The following DELE1 variants were observed in gnomAD, a reference collection of about 807,000 sequenced individuals.
The protein encoded by DELE1 is death ligand signal enhancer.
A neutral mutation model predicts 59.3 loss-of-function variants in DELE1; 54 were observed. The observed-to-expected ratio is 0.91, with a 90% CI of 0.73 to 1.14. The LOEUF (loss-of-function observed/expected upper bound fraction) is 1.14, where lower values mean the gene tolerates loss of function less well. Among genes scored for constraint, DELE1 ranks in the 50% most tolerant of loss-of-function variants. DELE1 has a pLI of 0.00. For synonymous variants in DELE1, 264 were observed against 259.1 expected, an observed-to-expected ratio of 1.02 and a Z score of -0.18; for missense variants, 636 against 643.9, an observed-to-expected ratio of 0.99 and a Z score of 0.13.
At chr5:141,931,951 G>A (rs1299271482) in intron 7 of DELE1, among the ~76,000 whole-genome samples, 1 of 152,220 alleles carries the variant, frequency 6.6e-6, no homozygotes, top group East Asian at 1.9e-4. Context: ...ATCATGTTTT[G>A]CATTTGTATG....
At position 141,941,889 on chromosome 5, in the gene DELE1, T is replaced by TA; in HGVS notation, c.*3132dup. On this transcript the variant is annotated 3_prime_UTR_variant, in exon 12 of 12. Coordinates refer to ENST00000432126, the MANE Select transcript of DELE1 (RefSeq NM_014773.5). ...CCCAGCACATAGTAGGTACTTTAAG[T>TA]AATTTGAATGAATAATTTTAAATAA... 1.0e-6 allele frequency: 1 copy of TA among 985,388 alleles called. No individual in the cohort carries two copies. The highest frequency in any genetic ancestry group is 1.2e-6 in the Non-Finnish European group (1 of 829,918). The allele number at this position is 985,388 out of a possible 1,614,324, so 61.0% of individuals were successfully genotyped here.
chr5:141,928,198 C>A lies in DELE1; in HGVS notation c.312C>A (p.Phe104Leu), dbSNP rs901543119. 3 of 1,614,124 alleles carry A rather than the reference C, an allele frequency of 1.9e-6. No individual in the cohort carries two copies. The Admixed American group carries it at 5.0e-5, about 27-fold the overall frequency. The change falls in exon 4 of 12, where the codon TTC becomes TTA. Residue 104 changes from phenylalanine to leucine, a missense_variant. Physicochemically the swap from Phe to Leu is conservative, Grantham distance 22. Coordinates refer to ENST00000432126, the MANE Select transcript of DELE1 (RefSeq NM_014773.5). ...TGCAGCTGGCAAGGCAGATCCACTTCCAGGCATCCCTGCCAGCAGGACCTC... is the reference window on the plus strand; with the variant it reads ...TGCAGCTGGCAAGGCAGATCCACTTACAGGCATCCCTGCCAGCAGGACCTC... ...LALQLARQIH[F>L]QASLPAGPQR...
At chr5:141,936,874 C>T (rs755948563) in intron 10 of DELE1, 194 of 985,304 alleles carry the variant, frequency 2.0e-4, no homozygotes, top group Non-Finnish European at 2.3e-4. Context: ...GAGCCCGACT[C>T]CCAGGTTTGC....
At chr5:141,934,214 A>G (rs1396638956) in intron 8 of DELE1, 26 bp from the exon 9 acceptor site, 1 of 1,575,522 alleles carries the variant, frequency 6.3e-7, no homozygotes. Flanking sequence ...TTGCCAGCCG[A>G]CTGGGTGTTT....
chr5:141,927,264 G>A (rs1178179508), intron 3 of DELE1, among the ~76,000 whole-genome samples: 2 of 152,146 alleles, frequency 1.3e-5, no homozygotes, highest in African/African-American at 4.8e-5. Context: ...GCAGTGGTGC[G>A]ATCCTGGCTC....
rs1325971464 is a variant in DELE1 at position 141,941,257 on chromosome 5, G to A, written c.*2498G>A. ...AGGCCAGATGCAGCCCTCCCTGAGT[G>A]GCTCTCCCTCCCACTCAGTCACTAC... On this transcript the variant is annotated 3_prime_UTR_variant, in exon 12 of 12. Coordinates refer to ENST00000432126, the MANE Select transcript of DELE1 (RefSeq NM_014773.5). 1 of 985,464 alleles carries A rather than the reference G, an allele frequency of 1.0e-6. No individual in the cohort carries two copies. Among genetic ancestry groups the A allele is most frequent in the Non-Finnish European group, 1.2e-6 (1 of 829,962 alleles). The allele number at this position is 985,464 out of a possible 1,614,324, so 61.0% of individuals were successfully genotyped here.
intron 2 of DELE1, 44 bp downstream of exon 2, chr5:141,924,739 C>T (rs779054299): frequency 4.5e-5 from 57 of 1,265,500 alleles, no homozygotes; most frequent in Non-Finnish European, 4.5e-6. Context: ...CCCTAGTCAC[C>T]CTTTTTTTTT....
chr5:141,928,945 T>A (rs1751651585), intron 4 of DELE1, among the ~76,000 whole-genome samples: 1 of 150,120 alleles, frequency 6.7e-6, no homozygotes, highest in Non-Finnish European at 1.5e-5. Context: ...CTTATTATGA[T>A]GATAATCATT....
At chr5:141,933,700 AT>A (rs1752121501) in intron 8 of DELE1, 1 of 178,962 alleles carries the variant, frequency 5.6e-6, no homozygotes, top group South Asian at 2.0e-4. Context: ...GAGGTTATAT[AT>A]AAGAATGTAT....
At position 141,934,423 on chromosome 5, in the gene DELE1, T is replaced by A. The variant is rs1413956866; in HGVS notation, c.1056+25T>A. The stretch of plus-strand genomic sequence containing the variant: ...GGTGAGTGCCATTGGCAGGGTCTGT[T>A]CAAGGTCTCTGAGGCCTGTGGAGCC... On this transcript the variant is annotated intron_variant, in intron 9 of 11. Transcript: ENST00000432126. 1.9e-6 allele frequency: 3 copies of A among 1,614,232 alleles called. No homozygotes were observed. In the Admixed American group the frequency reaches 5.0e-5, roughly 27 times the overall value.
chr5:141,931,910 G>A (rs1751943307), intron 7 of DELE1, among the ~76,000 whole-genome samples: 1 of 152,144 alleles, frequency 6.6e-6, no homozygotes, highest in Non-Finnish European at 1.5e-5. Context: ...GCTTGGCATG[G>A]TGGCAGAACG....
At chr5:141,929,799 A>G (rs1276847086) in intron 5 of DELE1, 59 bp downstream of exon 5, 2 of 1,595,880 alleles carry the variant, frequency 1.3e-6, no homozygotes, top group Non-Finnish European at 8.6e-7. Flanking sequence ...TGAGCTGGGC[A>G]AGATGGACGT....
rs941005251 is a variant in DELE1, at chr5:141,923,889, A to G, written c.-53A>G. The G allele has an allele frequency of 7.6e-6, 12 of 1,571,558 alleles. No homozygotes were observed. The highest frequency in any genetic ancestry group is 9.5e-6 in the Non-Finnish European group (11 of 1,158,412). ...CGGCGGCCTTTCTAGCCGCTGTCCC[A>G]AGGGTTGGTCTCGCGCTTTCGGCTG... is the stretch of plus-strand genomic sequence containing the variant. On this transcript the variant is annotated 5_prime_UTR_variant, in exon 1 of 12. Coordinates refer to ENST00000432126, the MANE Select transcript of DELE1 (RefSeq NM_014773.5).
Position 141,939,161 on chromosome 5 carries a change from G to T in DELE1, c.*402G>T. ...CCAATGTCTGATGTGTGTATCCCTGGTTCACAAGAAGATTTTAGATGGTAT... is the reference window on the plus strand; with the variant it reads ...CCAATGTCTGATGTGTGTATCCCTGTTTCACAAGAAGATTTTAGATGGTAT... On this transcript the variant is annotated 3_prime_UTR_variant, in exon 12 of 12. Transcript: ENST00000432126. The T allele has an allele frequency of 1.0e-6, 1 of 955,304 alleles. No homozygotes were observed. The highest frequency in any genetic ancestry group is 1.2e-6 in the Non-Finnish European group (1 of 801,756). 59.2% of individuals were successfully genotyped at this position (955,304 alleles called of 1,614,324 possible).
intron 1 of DELE1, 66 bp downstream of exon 1, chr5:141,924,038 C>T (rs1007413700): frequency 6.4e-7 from 1 of 1,567,202 alleles, no homozygotes; most frequent in Admixed American, 1.9e-5. Flanking sequence ...TGGGGGCGGG[C>T]CCGAGGAAAC....
At position 141,941,952 on chromosome 5, in the gene DELE1, C is replaced by T; in HGVS notation, c.*3193C>T. ...ATTCTGTATTGCCCCCCACTCGCCG[C>T]CTATACACACGCACACACGCACACA... On this transcript the variant is annotated 3_prime_UTR_variant, in exon 12 of 12. Transcript: ENST00000432126. 6 of 985,092 alleles carry T rather than the reference C, an allele frequency of 6.1e-6. No individual in the cohort carries two copies. Among genetic ancestry groups the T allele is most frequent in the Non-Finnish European group, 6.0e-6 (5 of 829,930 alleles). 61.0% of individuals were successfully genotyped at this position (985,092 alleles called of 1,614,324 possible). A position where few individuals can be genotyped will look rare whatever the true frequency, so the allele number is the denominator to read the frequency against.
In DELE1 at chr5:141,940,095, G is replaced by C. The variant is rs1283340603; in HGVS notation, c.*1336G>C. On this transcript the variant is annotated 3_prime_UTR_variant, in exon 12 of 12. Coordinates refer to ENST00000432126, the MANE Select transcript of DELE1 (RefSeq NM_014773.5). ...AGTATAGATTTTGAGGTCCCCATTTGGGAAACATGTGCCAGAAATGTCTAG... is the reference window on the plus strand; with the variant it reads ...AGTATAGATTTTGAGGTCCCCATTTCGGAAACATGTGCCAGAAATGTCTAG... The C allele has an allele frequency of 1.0e-6, 1 of 985,150 alleles. No individual in the cohort carries two copies. The highest frequency in any genetic ancestry group is 1.2e-6 in the Non-Finnish European group (1 of 829,926). 61.0% of individuals were successfully genotyped at this position (985,150 alleles called of 1,614,324 possible). A position where few individuals can be genotyped will look rare whatever the true frequency, so the allele number is the denominator to read the frequency against.
intron 3 of DELE1, among the ~76,000 whole-genome samples, chr5:141,925,993 CT>C (rs1416323400): frequency 6.6e-6 from 1 of 152,146 alleles, no homozygotes; most frequent in African/African-American, 2.4e-5. Flanking sequence ...AATTCTCCTG[CT>C]TCAGCCTCCC....
At chr5:141,937,624 T>A (rs1412178870) in intron 11 of DELE1, among the ~76,000 whole-genome samples, 10 of 148,046 alleles carry the variant, frequency 6.8e-5, no homozygotes, top group African/African-American at 2.3e-4. Context: ...TAAAAAAAAA[T>A]TAGTTGGGCG....
Sources: allele counts gnomAD v4.1 joint callset (sites outside exome capture counted in the v4.1 genomes callset), GRCh38; gene constraint gnomAD v4.1.1; transcripts MANE v1.5; gene names NCBI Gene and HGNC (gene_info 2026-07-23, HGNC 2026-07-21).